GALNT18: variants seen among roughly 807,000 people sequenced by gnomAD.
GALNT18 encodes the protein polypeptide N-acetylgalactosaminyltransferase 18.
In GALNT18, 44 loss-of-function variants were observed where a neutral mutation model predicts 69.5. The observed-to-expected ratio is 0.63, with a 90% CI of 0.50 to 0.81. GALNT18 has a LOEUF of 0.81. GALNT18 is among the 40% of genes least tolerant of loss of function. GALNT18 has a pLI of 0.00. For missense variants in GALNT18, 715 were observed against 810.0 expected (o/e 0.88, Z 1.42); for synonymous variants, 364 against 318.2 (o/e 1.14, Z -1.53).
In GALNT18 at chr11:11,617,088, G is replaced by A. The variant is rs1467363442; in HGVS notation, c.235+4271C>T. Among the ~76,000 whole-genome samples, 1 of 152,132 alleles carries A rather than the reference G, an allele frequency of 6.6e-6. No individual in the cohort carries two copies. The highest frequency in any genetic ancestry group is 1.9e-4 in the East Asian group (1 of 5,208). On this transcript the variant is annotated intron_variant, in intron 1 of 10. Transcript: ENST00000227756. The surrounding 1 kb of genome is among the most constrained non-coding windows in gnomAD (Gnocchi z 4.7). Reference sequence around the variant, plus strand: ...CTATGGGATATTATGGGAGTGGTTTGTGCAAGGAAGATGAACAGGACGCCA... The same window carrying A: ...CTATGGGATATTATGGGAGTGGTTTATGCAAGGAAGATGAACAGGACGCCA...
At chr11:11,360,851 T>C (rs976050772) in intron 6 of GALNT18, among the ~76,000 whole-genome samples, 2 of 152,248 alleles carry the variant, frequency 1.3e-5, no homozygotes, top group Non-Finnish European at 2.9e-5. Flanking sequence ...AAAAAAGTAA[T>C]TGTTTGCATT....
chr11:11,581,472 C>A (rs1351244482), intron 1 of GALNT18, among the ~76,000 whole-genome samples: 2 of 152,116 alleles, frequency 1.3e-5, no homozygotes, highest in Middle Eastern at 6.3e-3. Flanking sequence ...TTGAGGTAAA[C>A]ACTGATCCAA....
intron 3 of GALNT18, among the ~76,000 whole-genome samples, chr11:11,391,267 G>T (rs2133715434): frequency 6.6e-6 from 1 of 152,306 alleles, no homozygotes; most frequent in South Asian, 2.1e-4. Flanking sequence ...TGATTTCTAT[G>T]TGCAAGGTAC....
rs1210724843 is a variant in GALNT18, at chr11:11,383,272, TC to T, written c.596-4009del. Among the ~76,000 whole-genome samples, 3 of 152,208 alleles carry T rather than the reference TC, an allele frequency of 2.0e-5. No homozygotes were observed. Among genetic ancestry groups the T allele is most frequent in the Non-Finnish European group, 4.4e-5 (3 of 68,044 alleles). ...CCAGCCTGGTCAAACAGAGCCCTTCTCCCTTCCTCATCTACCCCCTTCCACT... is the reference window on the plus strand; with the variant it reads ...CCAGCCTGGTCAAACAGAGCCCTTCTCCTTCCTCATCTACCCCCTTCCACT... On this transcript the variant is annotated intron_variant, in intron 3 of 10. Coordinates refer to ENST00000227756, the MANE Select transcript of GALNT18 (RefSeq NM_198516.3). The surrounding 1 kb of genome is among the most constrained non-coding windows in gnomAD (Gnocchi z 5.2).
intron 1 of GALNT18, among the ~76,000 whole-genome samples, chr11:11,467,181 G>A (rs561616403): frequency 1.7e-4 from 26 of 152,226 alleles, no homozygotes; most frequent in Non-Finnish European, 3.2e-4. Context: ...GTGTGCCCAC[G>A]GCAGGCAGGA....
chr11:11,329,486 T>C (rs1382119519), intron 8 of GALNT18, among the ~76,000 whole-genome samples: 1 of 152,200 alleles, frequency 6.6e-6, no homozygotes, highest in Non-Finnish European at 1.5e-5. Context: ...ATATCGCCCT[T>C]GGTCTTGGCC....
intron 1 of GALNT18, among the ~76,000 whole-genome samples, chr11:11,599,791 A>G (rs752899966): frequency 3.9e-4 from 59 of 151,940 alleles, no homozygotes; most frequent in Non-Finnish European, 1.3e-4. Flanking sequence ...TACCAATAAA[A>G]ATTATATATA....
rs940944322 is a variant in GALNT18, at chr11:11,601,846, G to A, written c.235+19513C>T. On this transcript the variant is annotated intron_variant, in intron 1 of 10. Coordinates refer to ENST00000227756, the MANE Select transcript of GALNT18 (RefSeq NM_198516.3). The surrounding 1 kb of genome is among the most constrained non-coding windows in gnomAD (Gnocchi z 4.0). Reference sequence around the variant, plus strand: ...ACAAAACAACATTGAAGGAAATGACGTTATTTGAGGACCTGCCTGATTTGC... The same window carrying A: ...ACAAAACAACATTGAAGGAAATGACATTATTTGAGGACCTGCCTGATTTGC... 2.6e-5 allele frequency among the ~76,000 whole-genome samples: 4 copies of A among 152,068 alleles called. No individual in the cohort carries two copies. The highest frequency in any genetic ancestry group is 2.1e-4 in the South Asian group (1 of 4,818).
chr11:11,299,990 CAA>C (rs1849466348), intron 9 of GALNT18, among the ~76,000 whole-genome samples: 1 of 152,210 alleles, frequency 6.6e-6, no homozygotes, highest in African/African-American at 2.4e-5. Context: ...CCAAGCTAAA[CAA>C]AGACTGAGAT....
At chr11:11,285,770 C>G (rs1196442500) in intron 10 of GALNT18, among the ~76,000 whole-genome samples, 1 of 152,214 alleles carries the variant, frequency 6.6e-6, no homozygotes, top group Non-Finnish European at 1.5e-5. Flanking sequence ...AAGGACTCCT[C>G]CTCCTCCTCT....
intron 1 of GALNT18, among the ~76,000 whole-genome samples, chr11:11,531,373 C>T (rs2133942478): frequency 1.3e-5 from 2 of 152,350 alleles, no homozygotes; most frequent in South Asian, 4.1e-4. Flanking sequence ...TCCCCTCATC[C>T]TTCCCCAGTC....
chr11:11,474,346 A>G (rs1041726713), intron 1 of GALNT18, among the ~76,000 whole-genome samples: 8 of 152,194 alleles, frequency 5.3e-5, no homozygotes, highest in Non-Finnish European at 4.4e-5. Context: ...AAATGGCACG[A>G]GTGTGATTGG....
intron 2 of GALNT18, among the ~76,000 whole-genome samples, chr11:11,442,747 A>G (rs912351943): frequency 1.3e-5 from 2 of 152,156 alleles, no homozygotes; most frequent in African/African-American, 4.8e-5. Context: ...GCTGCAGAAC[A>G]TATTCTGACC....
At chr11:11,281,893 G>A (rs1169387234) in intron 10 of GALNT18, among the ~76,000 whole-genome samples, 2 of 151,876 alleles carry the variant, frequency 1.3e-5, no homozygotes, top group Admixed American at 1.3e-4. Flanking sequence ...ATGAGGCCAG[G>A]AGAGCTCCCT....
At chr11:11,379,995 G>T (rs1853870075) in intron 3 of GALNT18, among the ~76,000 whole-genome samples, 1 of 152,216 alleles carries the variant, frequency 6.6e-6, no homozygotes, top group Non-Finnish European at 1.5e-5. Context: ...TAGCAGCTAA[G>T]GCAAGAGCCC....
In GALNT18 at chr11:11,614,090, G is replaced by A. The variant is rs1168285348; in HGVS notation, c.235+7269C>T. ...CTTGGCTTTCTGCCACAAACCAAAG[G>A]AGACCCTCAAGACCCAAATCAAGAC... is the stretch of plus-strand genomic sequence containing the variant. On this transcript the variant is annotated intron_variant, in intron 1 of 10. Coordinates refer to ENST00000227756, the MANE Select transcript of GALNT18 (RefSeq NM_198516.3). This position sits in a 1 kb window ranked among gnomAD's most constrained non-coding sequence, Gnocchi z 5.6. Among the ~76,000 whole-genome samples, 6 of 152,064 alleles carry A rather than the reference G, an allele frequency of 3.9e-5. No homozygotes were observed. Among genetic ancestry groups the A allele is most frequent in the Non-Finnish European group, 8.8e-5 (6 of 68,020 alleles).
chr11:11,574,625 T>C (rs1735033792), intron 1 of GALNT18, among the ~76,000 whole-genome samples: 1 of 152,112 alleles, frequency 6.6e-6, no homozygotes, highest in African/African-American at 2.4e-5. Flanking sequence ...CTGTCTCCTA[T>C]CATGAAAGTC....
chr11:11,539,517 C>T lies in GALNT18; in HGVS notation c.235+81842G>A, dbSNP rs111768880. Among the ~76,000 whole-genome samples, 1,105 of 152,240 alleles carry T rather than the reference C, an allele frequency of 7.3e-3. 14 individuals are homozygous for T. The highest frequency in any genetic ancestry group is 0.025 in the African/African-American group (1,049 of 41,526). On this transcript the variant is annotated intron_variant, in intron 1 of 10. Transcript: ENST00000227756. ...ACCACAGGCAAGGCAACTATAGACA[C>T]GAGCCAAACCCAGGAGGAGATTCAC...
chr11:11,458,755 G>A (rs1204597646), intron 1 of GALNT18, among the ~76,000 whole-genome samples: 3 of 152,206 alleles, frequency 2.0e-5, no homozygotes, highest in East Asian at 1.9e-4. Flanking sequence ...CTGCTGTGTC[G>A]CCTTCACGGC....
Sources: gnomAD v4.1 joint callset for allele counts (sites outside exome capture counted in the v4.1 genomes callset) on GRCh38, gnomAD v4.1.1 for gene constraint, Gnocchi (gnomAD v3.1) non-coding constraint, MANE v1.5 for transcripts, NCBI Gene and HGNC (gene_info 2026-07-23, HGNC 2026-07-21) for gene names.